The following HK1 variants were observed in gnomAD, a reference collection of about 807,000 sequenced individuals.
HK1 encodes the protein hexokinase 1, also known as hexokinase-1.
Under a neutral mutation model 91.6 loss-of-function variants are expected in HK1, and 28 were observed. The observed-to-expected ratio is 0.31, with a 90% confidence interval of 0.23 to 0.42. HK1 has a LOEUF of 0.42. HK1 is among the 10% of genes least tolerant of loss of function. HK1 has a pLI of 1.00. For missense variants in HK1, 770 were observed against 1,219.8 expected (o/e 0.63, Z 5.49); for synonymous variants, 430 against 468.1 (o/e 0.92, Z 1.05).
intron 5 of HK1, among the ~76,000 whole-genome samples, chr10:69,308,053 G>A (rs1846183642): frequency 6.6e-6 from 1 of 152,052 alleles, no homozygotes; most frequent in Non-Finnish European, 1.5e-5. Context: ...TTGCCAAGCT[G>A]GTTTTGAACT....
intron 7 of HK1, among the ~76,000 whole-genome samples, chr10:69,375,945 C>T (rs1195351787): frequency 6.6e-6 from 1 of 152,198 alleles, no homozygotes; most frequent in African/African-American, 2.4e-5. Context: ...GGGGCTGGAG[C>T]TGTGCGGTGA....
rs1233253677 is a variant in HK1, at chr10:69,318,947, C to G, written c.-1C>G. 3.8e-6 allele frequency: 6 copies of G among 1,593,900 alleles called. No homozygotes were observed. Among genetic ancestry groups the G allele is most frequent in the Non-Finnish European group, 5.1e-6 (6 of 1,171,464 alleles). On this transcript the variant is annotated 5_prime_UTR_variant, in exon 1 of 18. Transcript: ENST00000359426. ...GCCGCCCCGCGACCCCGACCGCCAG[C>G]ATGATCGCCGCGCAGCTCCTGGCCT...
chr10:69,307,266 G>A, intron 5 of HK1, among the ~76,000 whole-genome samples: 1 of 152,118 alleles, frequency 6.6e-6, no homozygotes, highest in East Asian at 1.9e-4. Context: ...ACCCAAGCCA[G>A]AAGTCTCCAC....
chr10:69,379,899 AC>A lies in HK1; in HGVS notation c.1072del (p.Arg358AlafsTer37). 6.2e-7 allele frequency: 1 copy of A among 1,614,030 alleles called. No homozygotes were observed. The highest frequency in any genetic ancestry group is 8.5e-7 in the Non-Finnish European group (1 of 1,179,978). On this transcript the variant is annotated frameshift_variant, in exon 9 of 18. Transcript: ENST00000359426. LOFTEE classifies it high-confidence loss of function. ...CCTCCACAATGCCAAAGAAATCCTG[AC>A]CCGCCTGGGAGTGGAGCCGTCCGAT... ...EGLHNAKEIL[T>X]RLGVEPSDDD...
At position 69,358,855 on chromosome 10, in the gene HK1, C is replaced by T. The variant is rs566917396; in HGVS notation, c.227-1042C>T. Reference sequence around the variant, plus strand: ...TCCAGCCTGGGCAACAAGAGCGAAGCTCTGTCTCAAAAAAAAAAAAAAAAA... The same window carrying T: ...TCCAGCCTGGGCAACAAGAGCGAAGTTCTGTCTCAAAAAAAAAAAAAAAAA... On this transcript the variant is annotated intron_variant, in intron 2 of 17. Transcript: ENST00000359426. Among the ~76,000 whole-genome samples the T allele has an allele frequency of 2.1e-5, 3 of 142,064 alleles. No individual in the cohort carries two copies. In the East Asian group the frequency reaches 6.0e-4, roughly 29 times the overall value. The allele number at this position is 142,064 out of a possible 152,430, so 93.2% of individuals were successfully genotyped here.
intron 9 of HK1, among the ~76,000 whole-genome samples, chr10:69,382,045 CT>C (rs1291468071): frequency 1.3e-5 from 2 of 152,220 alleles, no homozygotes; most frequent in Non-Finnish European, 2.9e-5. Context: ...CATTTGCTAA[CT>C]TTTCTACAGT....
chr10:69,371,796 G>A (rs75707357), intron 7 of HK1, among the ~76,000 whole-genome samples: 7,321 of 152,254 alleles, frequency 0.048, 202 homozygotes, highest in African/African-American at 0.076. Context: ...GTTTACAGTT[G>A]GCTTGCAATA....
intron 17 of HK1, among the ~76,000 whole-genome samples, chr10:69,400,433 C>T (rs73274860): frequency 0.056 from 8,500 of 150,700 alleles, 698 homozygotes; most frequent in African/African-American, 0.18. Flanking sequence ...CTTTGGGGGC[C>T]AGGCTGTTGA....
chr10:69,352,939 G>A (rs1848951782), intron 2 of HK1, among the ~76,000 whole-genome samples: 1 of 152,104 alleles, frequency 6.6e-6, no homozygotes, highest in South Asian at 2.1e-4. Context: ...GAAATAATAA[G>A]AAATATACAT....
At chr10:69,282,603 C>G (rs865992114) in exon 2 of HK1, 2 of 152,162 alleles carry the variant, frequency 1.3e-5, no homozygotes, top group African/African-American at 4.8e-5. Flanking sequence ...AAACACCTAC[C>G]CACACCTGCT....
chr10:69,323,985 C>G (rs917439374), intron 1 of HK1, among the ~76,000 whole-genome samples: 1 of 152,152 alleles, frequency 6.6e-6, no homozygotes, highest in African/African-American at 2.4e-5. Context: ...AGCTGTATAC[C>G]TCTGCATCCA....
intron 2 of HK1, among the ~76,000 whole-genome samples, chr10:69,348,486 G>T (rs1442361524): frequency 6.6e-6 from 1 of 152,210 alleles, no homozygotes; most frequent in African/African-American, 2.4e-5. Context: ...TTGTAGATGG[G>T]CAGGAATGCC....
intron 1 of HK1, among the ~76,000 whole-genome samples, chr10:69,272,965 C>A (rs997393994): frequency 6.6e-6 from 1 of 150,732 alleles, no homozygotes; most frequent in Non-Finnish European, 1.5e-5. Context: ...AGTTCTGTTC[C>A]AGTTTTTTTG....
Position 69,379,887 on chromosome 10 carries a change from A to G in HK1, c.1057A>G (p.Lys353Glu), listed in dbSNP as rs780258617. Residue 353 changes from lysine (K) to glutamate (E), a missense_variant, in exon 9 of 18, where the codon AAA becomes GAA. Coordinates refer to ENST00000359426, the MANE Select transcript of HK1 (RefSeq NM_000188.3). Reference protein sequence around the residue: ...EKNKEGLHNAKEILTRLGVEP... With the variant: ...EKNKEGLHNAEEILTRLGVEP... ...GAATAAGGAAGGCCTCCACAATGCC[A>G]AAGAAATCCTGACCCGCCTGGGAGT... 6 of 1,614,064 alleles carry G rather than the reference A, an allele frequency of 3.7e-6. No homozygotes were observed. The Admixed American group carries it at 1.0e-4, about 27-fold the overall frequency.
At chr10:69,395,564 A>G (rs1394550294) in intron 16 of HK1, among the ~76,000 whole-genome samples, 3 of 152,248 alleles carry the variant, frequency 2.0e-5, no homozygotes, top group Non-Finnish European at 4.4e-5. Flanking sequence ...GCCTGGCAAC[A>G]GAGCGAGACT....
chr10:69,310,411 A>G (rs144779228), intron 5 of HK1, among the ~76,000 whole-genome samples: 1 of 141,692 alleles, frequency 7.1e-6, no homozygotes, highest in African/African-American at 2.7e-5. Context: ...ACAGAGCCAG[A>G]CTTTGTCTCA....
intron 4 of HK1, among the ~76,000 whole-genome samples, chr10:69,299,688 G>A (rs1310584614): frequency 6.7e-6 from 1 of 150,348 alleles, no homozygotes; most frequent in Admixed American, 6.6e-5. Context: ...TTGAGATGGA[G>A]TCTCACTCTG....
At chr10:69,381,179 T>C (rs1269168295) in intron 9 of HK1, among the ~76,000 whole-genome samples, 25 of 152,024 alleles carry the variant, frequency 1.6e-4, no homozygotes, top group Admixed American at 1.5e-3. Context: ...TCCCAGTTAC[T>C]TGGGAGGCTG....
chr10:69,300,036 G>A (rs2089356), intron 4 of HK1, among the ~76,000 whole-genome samples: 12,445 of 151,146 alleles, frequency 0.082, 1,072 homozygotes, highest in East Asian at 0.47. Context: ...CTGAGCTCAA[G>A]CAATCCACCT....
Sources: gnomAD v4.1 joint callset for allele counts (sites outside exome capture counted in the v4.1 genomes callset) on GRCh38, gnomAD v4.1.1 for gene constraint, MANE v1.5 for transcripts, NCBI Gene and HGNC (gene_info 2026-07-23, HGNC 2026-07-21) for gene names.